PRPS1: variants seen among roughly 807,000 people sequenced by gnomAD.
The protein encoded by PRPS1 is phosphoribosyl pyrophosphate synthetase 1, also known as ribose-phosphate pyrophosphokinase 1.
Under a neutral mutation model 16.9 loss-of-function variants are expected in PRPS1, and 1 was observed. The ratio of observed to expected loss-of-function variants is 0.06; its 90% CI spans 0.02 to 0.28. PRPS1 has a LOEUF of 0.28. Ranked by LOEUF, PRPS1 falls within the 10% of genes least tolerant of loss-of-function variation. The probability of loss-of-function intolerance (pLI) is 1.00; values close to 1 mark genes in which losing one functional copy is unlikely to be tolerated. For synonymous variants in PRPS1, 70 were observed against 90.2 expected (o/e 0.78, Z 1.27); for missense variants, 47 against 254.0 (o/e 0.19, Z 5.54).
intron 1 of PRPS1, among the ~76,000 whole-genome samples, chrX:107,637,449 C>T (rs1041999231): frequency 1.4e-4 from 16 of 111,289 alleles, no homozygotes; most frequent in African/African-American, 4.6e-4. Context: ...TAGTGATTCA[C>T]TCCTTATGAT....
chrX:107,638,891 C>A (rs957806535), intron 1 of PRPS1, among the ~76,000 whole-genome samples: 1 of 110,625 alleles, frequency 9.0e-6, no homozygotes, highest in African/African-American at 3.3e-5. Context: ...TGCCACCATG[C>A]CCTTCTAATT....
At chrX:107,636,154 G>A (rs113802590) in intron 1 of PRPS1, among the ~76,000 whole-genome samples, 2,564 of 108,557 alleles carry the variant, frequency 0.024, 31 homozygotes, top group Middle Eastern at 0.043. Context: ...ACGGAGTCCC[G>A]CTCTGTCACC....
chrX:107,639,379 G>A lies in PRPS1; in HGVS notation c.207G>A (p.Glu69=). The change falls in exon 2 of 7, where the codon GAG becomes GAA. Residue 69 remains glutamate, a synonymous_variant. Transcript: ENST00000372435. ...GCGEINDNLM[E]LLIMINACKI... ...GCGAAATCAATGACAATTTAATGGA[G>A]CTTTTGATCATGATTAATGCCTGCA... is the stretch of plus-strand genomic sequence containing the variant. The A allele has an allele frequency of 1.7e-6, 2 of 1,211,480 alleles. No homozygotes were observed. The highest frequency in any genetic ancestry group is 2.2e-6 in the Non-Finnish European group (2 of 895,354).
intron 5 of PRPS1, among the ~76,000 whole-genome samples, chrX:107,645,933 G>C (rs1367669806): frequency 1.8e-5 from 2 of 109,689 alleles, no homozygotes; most frequent in East Asian, 5.7e-4. Flanking sequence ...TCCCCACTCT[G>C]TTCTCCATTG....
Position 107,628,947 on chromosome X carries a change from TG to T in PRPS1, c.122+201del, listed in dbSNP as rs749410565. Among the ~76,000 whole-genome samples, 9 of 110,293 alleles carry T rather than the reference TG, an allele frequency of 8.2e-5. No homozygotes were observed. The East Asian group carries it at 2.3e-3, about 28-fold the overall frequency. On this transcript the variant is annotated intron_variant, in intron 1 of 6. Transcript: ENST00000372435. ...GGTCACGTTCATTCTTACCGTGCGG[TG>T]GGGTGGAGTCAAAAGATGGAGTGTG...
At chrX:107,648,890 G>T (rs1925765849) in intron 6 of PRPS1, among the ~76,000 whole-genome samples, 1 of 111,265 alleles carries the variant, frequency 9.0e-6, no homozygotes, top group Admixed American at 9.6e-5. Context: ...CTCCCAAGTA[G>T]CTGGGATTAC....
At chrX:107,643,211 C>A (rs776075084) in intron 4 of PRPS1, among the ~76,000 whole-genome samples, 3 of 112,237 alleles carry the variant, frequency 2.7e-5, no homozygotes, top group Non-Finnish European at 3.8e-5. Context: ...TCAACAACCT[C>A]TTTTATTTCA....
At chrX:107,636,033 C>A (rs1364990864) in intron 1 of PRPS1, among the ~76,000 whole-genome samples, 1 of 94,879 alleles carries the variant, frequency 1.1e-5, no homozygotes, top group Non-Finnish European at 2.0e-5. Context: ...GCACTCCAGC[C>A]TGGCGACAGA....
rs1259077549 is a variant in PRPS1 at position 107,635,083 on chromosome X, C to T, written c.123-4212C>T. On this transcript the variant is annotated intron_variant, in intron 1 of 6. Transcript: ENST00000372435. ...GTCTCGATCACCTGACCTCGTGATC[C>T]GCCCGCCTCGGCCTCCCAAAGTGCT... Among the ~76,000 whole-genome samples the T allele has an allele frequency of 7.2e-5, 8 of 111,212 alleles. 1 individual carries two copies. In the South Asian group the frequency reaches 1.9e-3, roughly 26 times the overall value.
intron 4 of PRPS1, among the ~76,000 whole-genome samples, chrX:107,644,718 A>G (rs1330940109): frequency 1.8e-5 from 2 of 112,125 alleles, no homozygotes; most frequent in African/African-American, 6.5e-5. Flanking sequence ...TGAGAAGTCA[A>G]TGATAGTTGC....
chrX:107,642,018 CCAA>C lies in PRPS1; in HGVS notation c.406-345_406-343del, dbSNP rs1382144698. On this transcript the variant is annotated intron_variant, in intron 3 of 6. Coordinates refer to ENST00000372435, the MANE Select transcript of PRPS1 (RefSeq NM_002764.4). ...AGCTTTTACTCCTTAACAAATCAGT[CCAA>C]CACTTAGTGGCATAAAGCAGTATTT... is the stretch of plus-strand genomic sequence containing the variant. 5.3e-5 allele frequency among the ~76,000 whole-genome samples: 6 copies of C among 112,488 alleles called. No homozygotes were observed. In the Admixed American group the frequency reaches 5.7e-4, roughly 11 times the overall value.
At chrX:107,641,638 A>G (rs758190681) in intron 3 of PRPS1, among the ~76,000 whole-genome samples, 2 of 112,074 alleles carry the variant, frequency 1.8e-5, no homozygotes, top group Admixed American at 1.9e-4. Flanking sequence ...GATTACAAGC[A>G]TGAGCCACCG....
rs1295409337 is a variant in PRPS1 at position 107,650,677 on chromosome X, C to T, written c.*645C>T. The stretch of plus-strand genomic sequence containing the variant: ...GATTCTCCTTTGTACCTATCCCTTT[C>T]GATTTGGCTTTACCTTCATCTATCT... On this transcript the variant is annotated 3_prime_UTR_variant, in exon 7 of 7. Coordinates refer to ENST00000372435, the MANE Select transcript of PRPS1 (RefSeq NM_002764.4). 1.7e-5 allele frequency: 5 copies of T among 296,975 alleles called. No homozygotes were observed. Among genetic ancestry groups the T allele is most frequent in the African/African-American group, 2.8e-5 (1 of 36,135 alleles). 24.5% of individuals were successfully genotyped at this position (296,975 alleles called of 1,213,427 possible). A position where few individuals can be genotyped will look rare whatever the true frequency, so the allele number is the denominator to read the frequency against.
chrX:107,644,741 A>G (rs1398758513), intron 4 of PRPS1, among the ~76,000 whole-genome samples: 1 of 111,961 alleles, frequency 8.9e-6, no homozygotes, highest in African/African-American at 3.2e-5. Flanking sequence ...TCATTCTTCC[A>G]GCCCTGGGAA....
chrX:107,633,684 T>C (rs1399113331), intron 1 of PRPS1, among the ~76,000 whole-genome samples: 1 of 111,676 alleles, frequency 9.0e-6, no homozygotes, highest in Non-Finnish European at 1.9e-5. Flanking sequence ...TCCAGCACTT[T>C]GGGAGGCCAA....
chrX:107,638,575 T>C (rs12854967), intron 1 of PRPS1, among the ~76,000 whole-genome samples: 1 of 110,841 alleles, frequency 9.0e-6, no homozygotes, highest in Non-Finnish European at 1.9e-5. Flanking sequence ...TGTTCCCTTA[T>C]ACTTTATTGT....
Position 107,650,291 on chromosome X carries a change from G to A in PRPS1, c.*259G>A, listed in dbSNP as rs1161056008. ...CAGCTTTAACTATAGCTCAGCTGCTGCAAGATTTCAGACTTTTGAGGATGT... is the reference window on the plus strand; with the variant it reads ...CAGCTTTAACTATAGCTCAGCTGCTACAAGATTTCAGACTTTTGAGGATGT... On this transcript the variant is annotated 3_prime_UTR_variant, in exon 7 of 7. Transcript: ENST00000372435. 4 of 486,662 alleles carry A rather than the reference G, an allele frequency of 8.2e-6. No individual in the cohort carries two copies. The highest frequency in any genetic ancestry group is 7.3e-5 in the African/African-American group (3 of 41,300). The allele number at this position is 486,662 out of a possible 1,213,427, so 40.1% of individuals were successfully genotyped here.
chrX:107,634,686 A>G (rs1390411781), intron 1 of PRPS1, among the ~76,000 whole-genome samples: 1 of 111,390 alleles, frequency 9.0e-6, no homozygotes. Flanking sequence ...ACCTCTAAAT[A>G]GTGATATCGA....
intron 5 of PRPS1, among the ~76,000 whole-genome samples, chrX:107,645,684 C>T (rs1602905076): frequency 9.0e-6 from 1 of 111,013 alleles, no homozygotes; most frequent in East Asian, 2.8e-4. Context: ...TTTTGATCAC[C>T]CTGAGTATGC....
Sources: gnomAD v4.1 joint callset for allele counts (sites outside exome capture counted in the v4.1 genomes callset) on GRCh38, gnomAD v4.1.1 for gene constraint, MANE v1.5 for transcripts, NCBI Gene and HGNC (gene_info 2026-07-23, HGNC 2026-07-21) for gene names.